CADPS2: variants seen among roughly 807,000 people sequenced by gnomAD.
The protein encoded by CADPS2 is calcium dependent secretion activator 2.
In CADPS2, 93 loss-of-function variants were observed where a neutral mutation model predicts 172.5. The ratio of observed to expected loss-of-function variants is 0.54; its 90% CI spans 0.46 to 0.64. CADPS2 has a LOEUF of 0.64. Among genes scored for constraint, CADPS2 ranks in the 30% least tolerant of loss-of-function variants. The pLI is 0.00. For missense variants in CADPS2, 1,420 were observed against 1,565.9 expected, an observed-to-expected ratio of 0.91 and a Z score of 1.57; for synonymous variants, 546 against 555.2, an observed-to-expected ratio of 0.98 and a Z score of 0.23.
intron 2 of CADPS2, among the ~76,000 whole-genome samples, chr7:122,666,123 A>G (rs1564007004): frequency 6.6e-6 from 1 of 152,190 alleles, no homozygotes; most frequent in African/African-American, 2.4e-5. Context: ...GCAATTTAAA[A>G]TTATATTCAC....
chr7:122,450,521 CTTTTTTT>C (rs11422329), intron 15 of CADPS2, among the ~76,000 whole-genome samples: 1 of 79,130 alleles, frequency 1.3e-5, no homozygotes, highest in Non-Finnish European at 2.5e-5. Context: ...TATTGGTGGC[CTTTTTTT>C]TTTTTTTTTT....
chr7:122,629,216 T>C lies in CADPS2; in HGVS notation c.867+32A>G, dbSNP rs766656736. The C allele has an allele frequency of 7.9e-6, 12 of 1,522,362 alleles. No homozygotes were observed. In the African/African-American group the frequency reaches 1.2e-4, roughly 16 times the overall value. 94.3% of individuals were successfully genotyped at this position (1,522,362 alleles called of 1,614,324 possible). A position where few individuals can be genotyped will look rare whatever the true frequency, so the allele number is the denominator to read the frequency against. ...ACAGAAATCTAGGTAAAGAAAGGAA[T>C]GTCATACAGTATGTCCAAGTTAATA... On this transcript the variant is annotated intron_variant, in intron 4 of 29. Coordinates refer to ENST00000449022, the MANE Select transcript of CADPS2 (RefSeq NM_017954.11).
chr7:122,771,979 A>AG (rs2093717396), intron 1 of CADPS2, among the ~76,000 whole-genome samples: 1 of 152,214 alleles, frequency 6.6e-6, no homozygotes, highest in Non-Finnish European at 1.5e-5. Context: ...GACAGTTCCA[A>AG]TAGACCAGGT....
At chr7:122,398,481 AAAAC>A (rs776413364) in intron 20 of CADPS2, among the ~76,000 whole-genome samples, 117 of 152,324 alleles carry the variant, frequency 7.7e-4, no homozygotes, top group Admixed American at 1.7e-3. Flanking sequence ...CATTAGCAGC[AAAAC>A]AAACAGACAA....
intron 19 of CADPS2, among the ~76,000 whole-genome samples, chr7:122,413,278 C>G (rs2047520786): frequency 6.6e-6 from 1 of 152,058 alleles, no homozygotes; most frequent in Non-Finnish European, 1.5e-5. Flanking sequence ...GGTCTGGTCA[C>G]TGAAATGTGG....
At chr7:122,732,129 C>T (rs546635165) in intron 2 of CADPS2, among the ~76,000 whole-genome samples, 1 of 151,408 alleles carries the variant, frequency 6.6e-6, no homozygotes, top group South Asian at 2.1e-4. Flanking sequence ...CAAGAAAACA[C>T]CACATAGAAA....
chr7:122,337,614 T>C (rs2036065944), intron 28 of CADPS2, among the ~76,000 whole-genome samples: 1 of 152,208 alleles, frequency 6.6e-6, no homozygotes, highest in Admixed American at 6.5e-5. Context: ...TATTTTGGCA[T>C]ACACTATACA....
chr7:122,803,899 GT>G (rs1798193189), intron 1 of CADPS2, among the ~76,000 whole-genome samples: 1 of 146,038 alleles, frequency 6.8e-6, no homozygotes. Context: ...ACTTAATAAA[GT>G]GAGAATTCCT....
intron 28 of CADPS2, among the ~76,000 whole-genome samples, chr7:122,327,497 TGG>T (rs1438189861): frequency 1.3e-5 from 2 of 152,298 alleles, no homozygotes; most frequent in Non-Finnish European, 2.9e-5. Flanking sequence ...CATAACATAC[TGG>T]TTACTCTGTT....
intron 8 of CADPS2, among the ~76,000 whole-genome samples, chr7:122,522,837 T>G (rs1010008730): frequency 6.6e-6 from 1 of 152,114 alleles, no homozygotes; most frequent in Admixed American, 6.6e-5. Flanking sequence ...TGTCTTTCTA[T>G]GCCTGGCTTA....
At position 122,462,804 on chromosome 7, in the gene CADPS2, A is replaced by G. The variant is rs780288121; in HGVS notation, c.2186+8571T>C. ...GTTCATCTACCAGGAATATCTAACA[A>G]TCTTAAGCTTGAACACAGAACAGCC... On this transcript the variant is annotated intron_variant, in intron 14 of 29. Transcript: ENST00000449022. Among the ~76,000 whole-genome samples the G allele has an allele frequency of 1.1e-4, 17 of 152,166 alleles. 1 individual carries two copies. The highest frequency in any genetic ancestry group is 2.1e-4 in the Non-Finnish European group (14 of 68,020).
intron 28 of CADPS2, among the ~76,000 whole-genome samples, chr7:122,342,120 A>C (rs996691478): frequency 9.9e-5 from 15 of 152,184 alleles, no homozygotes; most frequent in African/African-American, 3.6e-4. Flanking sequence ...TATCCTATTT[A>C]TGACCTTTAA....
At chr7:122,451,627 C>T (rs1331726234) in intron 14 of CADPS2, among the ~76,000 whole-genome samples, 152 bp from the exon 15 acceptor site, 2 of 151,994 alleles carry the variant, frequency 1.3e-5, no homozygotes. Flanking sequence ...TATTTGCAGC[C>T]ATTTGCTTTA....
intron 1 of CADPS2, among the ~76,000 whole-genome samples, chr7:122,863,957 AAG>A (rs1276732916): frequency 1.3e-5 from 2 of 151,824 alleles, no homozygotes; most frequent in Non-Finnish European, 2.9e-5. Context: ...TTGAACCCAG[AAG>A]GCAGAGGTTG....
intron 1 of CADPS2, among the ~76,000 whole-genome samples, chr7:122,847,068 A>G (rs10263996): frequency 0.012 from 1,881 of 152,184 alleles, 42 homozygotes; most frequent in African/African-American, 0.043. Context: ...TCCCTTCTCC[A>G]TTATTCTTCA....
intron 9 of CADPS2, among the ~76,000 whole-genome samples, chr7:122,492,674 G>A (rs2058398305): frequency 6.6e-6 from 1 of 152,066 alleles, no homozygotes; most frequent in Non-Finnish European, 1.5e-5. Flanking sequence ...AGGGTCCATG[G>A]AAGATAGTTT....
At chr7:122,710,082 C>CA (rs35346695) in intron 2 of CADPS2, among the ~76,000 whole-genome samples, 93,443 of 140,474 alleles carry the variant, frequency 0.67, 31,634 homozygotes, top group Middle Eastern at 0.84. Context: ...TCTGCCAACC[C>CA]AAAAAAAAAA....
At chr7:122,386,241 A>G in intron 24 of CADPS2, 1 of 1,189,906 alleles carries the variant, frequency 8.4e-7, no homozygotes, top group South Asian at 2.1e-5. Flanking sequence ...ATATACATTT[A>G]CAAAAATAAT....
chr7:122,349,095 G>A (rs1391705309), intron 27 of CADPS2, among the ~76,000 whole-genome samples: 1 of 151,786 alleles, frequency 6.6e-6, no homozygotes, highest in Non-Finnish European at 1.5e-5. Context: ...GTTTTTTTTG[G>A]TGTGTACATG....
Sources: gnomAD v4.1 joint callset for allele counts (sites outside exome capture counted in the v4.1 genomes callset) on GRCh38, gnomAD v4.1.1 for gene constraint, MANE v1.5 for transcripts, NCBI Gene and HGNC (gene_info 2026-07-23, HGNC 2026-07-21) for gene names.